Variants in CAMK1D observed in about 807,000 individuals in gnomAD.
The protein encoded by CAMK1D is calcium/calmodulin-dependent protein kinase type 1D.
In CAMK1D, 9 loss-of-function variants were observed where a neutral mutation model predicts 47.7. The observed-to-expected ratio is 0.19, with a 90% CI of 0.11 to 0.33. The LOEUF is 0.33. Among genes scored for constraint, CAMK1D ranks in the 10% least tolerant of loss-of-function variants. The probability of loss-of-function intolerance (pLI) is 1.00; values close to 1 mark genes in which losing one functional copy is unlikely to be tolerated. For missense variants in CAMK1D, 291 were observed against 488.7 expected, an observed-to-expected ratio of 0.60 and a Z score of 3.81; for synonymous variants, 184 against 184.9, an observed-to-expected ratio of 0.99 and a Z score of 0.04.
At chr10:12,620,030 T>C (rs750201742) in intron 2 of CAMK1D, among the ~76,000 whole-genome samples, 22 of 152,022 alleles carry the variant, frequency 1.4e-4, no homozygotes, top group Non-Finnish European at 2.9e-4. Flanking sequence ...AGTTGTTCTA[T>C]TTGATAACTG....
intron 1 of CAMK1D, among the ~76,000 whole-genome samples, chr10:12,516,343 G>A (rs760897877): frequency 1.3e-5 from 2 of 152,008 alleles, no homozygotes; most frequent in East Asian, 1.9e-4. Context: ...CCCTGACCTC[G>A]TGATCTACCC....
chr10:12,692,243 T>G (rs1832957647), intron 3 of CAMK1D, among the ~76,000 whole-genome samples: 2 of 152,236 alleles, frequency 1.3e-5, no homozygotes, highest in Non-Finnish European at 2.9e-5. Flanking sequence ...GAATGTCACC[T>G]GCTTCTTCTG....
At chr10:12,628,564 A>G (rs1401732743) in intron 2 of CAMK1D, among the ~76,000 whole-genome samples, 1 of 152,214 alleles carries the variant, frequency 6.6e-6, no homozygotes, top group Non-Finnish European at 1.5e-5. Context: ...GTTATAATTG[A>G]TAAGCCAATA....
At position 12,553,243 on chromosome 10, in the gene CAMK1D, G is replaced by T. The variant is rs1335374848; in HGVS notation, c.111G>T (p.Val37=). The T allele has an allele frequency of 6.2e-7, 1 of 1,614,092 alleles. No individual in the cohort carries two copies. The highest frequency in any genetic ancestry group is 2.2e-5 in the East Asian group (1 of 44,904). ...ETLGTGAFSE[V]VLAEEKATGK... ...TTCACAGCGGGGCCTTTTCCGAAGT[G>T]GTTTTAGCTGAAGAGAAGGCAACTG... is the stretch of plus-strand genomic sequence containing the variant. Residue 37 remains valine, a synonymous_variant, in exon 2 of 11, where the codon GTG becomes GTT. Transcript: ENST00000619168.
chr10:12,690,840 T>A (rs1049572225), intron 3 of CAMK1D, among the ~76,000 whole-genome samples: 2 of 152,120 alleles, frequency 1.3e-5, no homozygotes, highest in African/African-American at 4.8e-5. Context: ...TTGACGATGT[T>A]TTTTAGTAGC....
chr10:12,669,561 C>G (rs1376379286), intron 3 of CAMK1D, among the ~76,000 whole-genome samples: 1 of 152,144 alleles, frequency 6.6e-6, no homozygotes, highest in Non-Finnish European at 1.5e-5. Flanking sequence ...ATACGAGTCA[C>G]TGTATCCATT....
intron 3 of CAMK1D, among the ~76,000 whole-genome samples, chr10:12,747,245 T>C (rs1835725240): frequency 6.6e-6 from 1 of 152,096 alleles, no homozygotes; most frequent in Non-Finnish European, 1.5e-5. Context: ...TTGGCCAGAA[T>C]GGTCTTGATC....
chr10:12,593,817 C>G (rs981011314), intron 2 of CAMK1D, among the ~76,000 whole-genome samples: 20 of 152,292 alleles, frequency 1.3e-4, no homozygotes, highest in Admixed American at 8.5e-4. Flanking sequence ...GGCCACTCAA[C>G]TTGTAATGTC....
chr10:12,665,204 GT>G (rs1250944214), intron 2 of CAMK1D, among the ~76,000 whole-genome samples: 1 of 152,196 alleles, frequency 6.6e-6, no homozygotes, highest in African/African-American at 2.4e-5. Flanking sequence ...ATAATCTATT[GT>G]TTTAGCTCCT....
intron 2 of CAMK1D, among the ~76,000 whole-genome samples, chr10:12,607,117 G>C (rs142188831): frequency 6.6e-6 from 1 of 152,094 alleles, no homozygotes; most frequent in African/African-American, 2.4e-5. Context: ...GAGCCACCGC[G>C]CCTGGCCCAG....
chr10:12,615,565 TCGTGTGTGTG>T (rs1838762219), intron 2 of CAMK1D, among the ~76,000 whole-genome samples: 1 of 106,026 alleles, frequency 9.4e-6, no homozygotes, highest in African/African-American at 4.0e-5. Context: ...TGTGTGTATA[TCGTGTGTGTG>T]CGTGTGTGTA....
At chr10:12,812,047 T>G (rs891722090) in intron 6 of CAMK1D, among the ~76,000 whole-genome samples, 1 of 152,232 alleles carries the variant, frequency 6.6e-6, no homozygotes, top group Non-Finnish European at 1.5e-5. Flanking sequence ...GCCCACAGAA[T>G]GTCTCACAGC....
chr10:12,413,211 G>T (rs1457168045), intron 1 of CAMK1D, among the ~76,000 whole-genome samples: 1 of 152,152 alleles, frequency 6.6e-6, no homozygotes, highest in Non-Finnish European at 1.5e-5. Context: ...GGAGGGGAAA[G>T]GGGGAGCAGG....
chr10:12,758,016 T>C (rs1232088527), intron 3 of CAMK1D, among the ~76,000 whole-genome samples: 1 of 152,136 alleles, frequency 6.6e-6, no homozygotes, highest in African/African-American at 2.4e-5. Flanking sequence ...CATGCCCAGC[T>C]AATTTTTGTA....
At chr10:12,444,250 C>T (rs1832867488) in intron 1 of CAMK1D, among the ~76,000 whole-genome samples, 1 of 152,154 alleles carries the variant, frequency 6.6e-6, no homozygotes, top group Admixed American at 6.6e-5. Context: ...GAATGCAGCC[C>T]AGTAGGTCTC....
chr10:12,505,092 G>A (rs1258812814), intron 1 of CAMK1D, among the ~76,000 whole-genome samples: 1 of 152,180 alleles, frequency 6.6e-6, no homozygotes, highest in Non-Finnish European at 1.5e-5. Context: ...TCCCTGTATC[G>A]CTGTTTATGT....
At chr10:12,685,383 T>C (rs1258268905) in intron 3 of CAMK1D, among the ~76,000 whole-genome samples, 2 of 152,228 alleles carry the variant, frequency 1.3e-5, no homozygotes, top group African/African-American at 4.8e-5. Flanking sequence ...AGATAAGTGT[T>C]AGAACCATTT....
intron 6 of CAMK1D, among the ~76,000 whole-genome samples, chr10:12,806,894 C>T (rs554108581): frequency 1.3e-4 from 20 of 152,180 alleles, no homozygotes; most frequent in Non-Finnish European, 2.1e-4. Flanking sequence ...GGGGCTGTGG[C>T]GGTCTGGCTA....
At chr10:12,828,625 A>C in intron 10 of CAMK1D, 144 bp from the exon 11 acceptor site, 1 of 640,228 alleles carries the variant, frequency 1.6e-6, no homozygotes. Context: ...TGGTGAAAAG[A>C]GTGAAACTCC....
Sources: gnomAD v4.1 joint callset for allele counts (sites outside exome capture counted in the v4.1 genomes callset) on GRCh38, gnomAD v4.1.1 for gene constraint, MANE v1.5 for transcripts, NCBI Gene and HGNC (gene_info 2026-07-23, HGNC 2026-07-21) for gene names.